Variants in FKTN observed in about 807,000 individuals in gnomAD.
FKTN encodes fukutin.
Under a neutral mutation model 58.6 loss-of-function variants are expected in FKTN, and 47 were observed. The ratio of observed to expected loss-of-function variants is 0.80; its 90% CI spans 0.63 to 1.02. The LOEUF is 1.02. Among genes scored for constraint, FKTN ranks in the 50% least tolerant of loss-of-function variants. The pLI is 0.00. For synonymous variants in FKTN, 178 were observed against 191.9 expected, an observed-to-expected ratio of 0.93 and a Z score of 0.60; for missense variants, 516 against 537.3, an observed-to-expected ratio of 0.96 and a Z score of 0.39.
rs577825101 is a variant in FKTN at position 105,584,984 on chromosome 9, G to C, written c.105+9847G>C. On this transcript the variant is annotated intron_variant, in intron 3 of 10. Coordinates refer to ENST00000357998, the MANE Select transcript of FKTN (RefSeq NM_001079802.2). Reference sequence around the variant, plus strand: ...CCAAGGCAATAGAAACAATGAGGTGGTTTCTTCCTGCCCAATATTTATAAT... The same window carrying C: ...CCAAGGCAATAGAAACAATGAGGTGCTTTCTTCCTGCCCAATATTTATAAT... Among the ~76,000 whole-genome samples the C allele has an allele frequency of 2.0e-5, 3 of 152,250 alleles. No individual in the cohort carries two copies. The East Asian group carries it at 5.8e-4, about 29-fold the overall frequency.
At chr9:105,582,100 G>A (rs1424701900) in intron 3 of FKTN, among the ~76,000 whole-genome samples, 1 of 152,162 alleles carries the variant, frequency 6.6e-6, no homozygotes, top group Non-Finnish European at 1.5e-5. Context: ...CGGTACCTCA[G>A]ATGGAAATGC....
At chr9:105,565,947 G>A (rs62575112) in intron 1 of FKTN, among the ~76,000 whole-genome samples, 31,196 of 151,940 alleles carry the variant, frequency 0.21, 4,193 homozygotes, top group Non-Finnish European at 0.31. Context: ...ATAACAAACT[G>A]TCTCTCAGAC....
chr9:105,594,614 C>T (rs905374709), intron 3 of FKTN, among the ~76,000 whole-genome samples: 1 of 152,144 alleles, frequency 6.6e-6, no homozygotes, highest in Non-Finnish European at 1.5e-5. Flanking sequence ...TGTGGTAGTG[C>T]ATGCCTCTAT....
chr9:105,608,348 T>C (rs922783234), intron 7 of FKTN, among the ~76,000 whole-genome samples: 2 of 152,134 alleles, frequency 1.3e-5, no homozygotes, highest in Admixed American at 1.3e-4. Context: ...TGTTTCAGAG[T>C]TGGCATTGAA....
intron 10 of FKTN, among the ~76,000 whole-genome samples, chr9:105,631,046 T>C (rs1008339174): frequency 6.6e-6 from 1 of 152,070 alleles, no homozygotes; most frequent in African/African-American, 2.4e-5. Flanking sequence ...GGCAGGAGAA[T>C]TGCTTGAACC....
intron 3 of FKTN, among the ~76,000 whole-genome samples, chr9:105,593,914 A>G (rs1215057219): frequency 6.6e-6 from 1 of 152,182 alleles, no homozygotes; most frequent in Non-Finnish European, 1.5e-5. Flanking sequence ...GAGGAGAGGA[A>G]TTGGAGGCAA....
At position 105,638,521 on chromosome 9, in the gene FKTN, C is replaced by T. The variant is rs949655435; in HGVS notation, c.*3257C>T. 4.1e-6 allele frequency: 4 copies of T among 985,286 alleles called. No individual in the cohort carries two copies. Among genetic ancestry groups the T allele is most frequent in the Non-Finnish European group, 4.8e-6 (4 of 829,928 alleles). 61.0% of individuals were successfully genotyped at this position (985,286 alleles called of 1,614,324 possible). A position where few individuals can be genotyped will look rare whatever the true frequency, so the allele number is the denominator to read the frequency against. On this transcript the variant is annotated 3_prime_UTR_variant, in exon 11 of 11. Coordinates refer to ENST00000357998, the MANE Select transcript of FKTN (RefSeq NM_001079802.2). ...TTTACCATTCTATTTCCCAAGGGAA[C>T]CATCAGCACCAACCTGCTAAATGCC...
intron 1 of FKTN, among the ~76,000 whole-genome samples, chr9:105,572,738 G>C (rs1234371977): frequency 1.3e-5 from 2 of 152,180 alleles, no homozygotes; most frequent in African/African-American, 2.4e-5. Flanking sequence ...TTTGCTGCCT[G>C]TCTCTGACAT....
intron 3 of FKTN, among the ~76,000 whole-genome samples, chr9:105,588,103 T>A (rs1587985287): frequency 6.6e-6 from 1 of 152,320 alleles, no homozygotes; most frequent in South Asian, 2.1e-4. Flanking sequence ...GGAATTTGGT[T>A]TGAGGGTTTC....
chr9:105,595,220 A>G (rs1283481854), intron 3 of FKTN, among the ~76,000 whole-genome samples: 1 of 152,128 alleles, frequency 6.6e-6, no homozygotes, highest in Non-Finnish European at 1.5e-5. Context: ...TTCTTTTTGG[A>G]GTGATTAAAA....
intron 1 of FKTN, among the ~76,000 whole-genome samples, chr9:105,563,608 G>C (rs1254245778): frequency 6.6e-6 from 1 of 152,008 alleles, no homozygotes; most frequent in Non-Finnish European, 1.5e-5. Flanking sequence ...TGGGGGGGGG[G>C]GCACCCGCCA....
At chr9:105,617,933 T>G (rs755001729) in intron 8 of FKTN, 26 bp from the exon 9 acceptor site, 3 of 1,474,750 alleles carry the variant, frequency 2.0e-6, no homozygotes, top group Non-Finnish European at 9.4e-7. Context: ...CTAAATTTTG[T>G]TAAAAAAATT....
intron 1 of FKTN, among the ~76,000 whole-genome samples, chr9:105,564,079 T>A (rs1474152326): frequency 2.0e-5 from 3 of 152,214 alleles, no homozygotes; most frequent in African/African-American, 7.2e-5. Flanking sequence ...CAGACCTGCA[T>A]CTGAGGGTCC....
intron 10 of FKTN, among the ~76,000 whole-genome samples, chr9:105,634,251 C>T (rs1423898174): frequency 6.6e-6 from 1 of 152,058 alleles, no homozygotes; most frequent in Non-Finnish European, 1.5e-5. Context: ...CCTGCCTCAG[C>T]CTCCTGAGTA....
At chr9:105,562,757 T>A (rs1306569844) in intron 1 of FKTN, among the ~76,000 whole-genome samples, 1 of 152,204 alleles carries the variant, frequency 6.6e-6, no homozygotes, top group Non-Finnish European at 1.5e-5. Flanking sequence ...AGAAACAAGA[T>A]GGAATCAACT....
intron 3 of FKTN, among the ~76,000 whole-genome samples, chr9:105,593,375 G>C (rs769147914): frequency 1.3e-5 from 2 of 152,202 alleles, no homozygotes; most frequent in African/African-American, 2.4e-5. Flanking sequence ...CCTCCCACCA[G>C]GTACTGCCTC....
Position 105,637,970 on chromosome 9 carries a change from T to C in FKTN, c.*2706T>C, listed in dbSNP as rs1031959985. On this transcript the variant is annotated 3_prime_UTR_variant, in exon 11 of 11. Coordinates refer to ENST00000357998, the MANE Select transcript of FKTN (RefSeq NM_001079802.2). ...AGCTGCAAAACCTGAAATTGACCAC[T>C]AGGTGACAGAATGTTTGCCAGTATC... 9.1e-6 allele frequency: 9 copies of C among 985,296 alleles called. No homozygotes were observed. In the African/African-American group the frequency reaches 1.4e-4, roughly 15 times the overall value. The allele number at this position is 985,296 out of a possible 1,614,324, so 61.0% of individuals were successfully genotyped here.
At position 105,638,698 on chromosome 9, in the gene FKTN, T is replaced by A. The variant is rs1007455858; in HGVS notation, c.*3434T>A. 1 of 984,360 alleles carries A rather than the reference T, an allele frequency of 1.0e-6. No homozygotes were observed. Among genetic ancestry groups the A allele is most frequent in the Non-Finnish European group, 1.2e-6 (1 of 829,164 alleles). The allele number at this position is 984,360 out of a possible 1,614,324, so 61.0% of individuals were successfully genotyped here. On this transcript the variant is annotated 3_prime_UTR_variant, in exon 11 of 11. Coordinates refer to ENST00000357998, the MANE Select transcript of FKTN (RefSeq NM_001079802.2). ...TGCAGTTTTCAAGATTTTTTTTTTA[T>A]CTGCTTGGCTGGAAAGGAGACTAGA...
At position 105,639,277 on chromosome 9, in the gene FKTN, T is replaced by TG. The variant is rs1834264274; in HGVS notation, c.*4016dup. ...CTTGTCTTCCACTATCATTAAGACCTGGGCTAGATCACCTCTAACATCTCA... is the reference window on the plus strand; with the variant it reads ...CTTGTCTTCCACTATCATTAAGACCTGGGGCTAGATCACCTCTAACATCTCA... On this transcript the variant is annotated 3_prime_UTR_variant, in exon 11 of 11. Transcript: ENST00000357998. The TG allele has an allele frequency of 1.0e-6, 1 of 985,278 alleles. No individual in the cohort carries two copies. The highest frequency in any genetic ancestry group is 1.2e-6 in the Non-Finnish European group (1 of 829,900). 61.0% of individuals were successfully genotyped at this position (985,278 alleles called of 1,614,324 possible).
Sources: allele counts gnomAD v4.1 joint callset (sites outside exome capture counted in the v4.1 genomes callset), GRCh38; gene constraint gnomAD v4.1.1; transcripts MANE v1.5; gene names NCBI Gene and HGNC (gene_info 2026-07-23, HGNC 2026-07-21).